Variants in PCSK2 observed in about 807,000 individuals in gnomAD.
PCSK2 encodes the protein neuroendocrine convertase 2.
Under a neutral mutation model 69.7 loss-of-function variants are expected in PCSK2, and 14 were observed. The observed-to-expected ratio is 0.20, with a 90% CI of 0.13 to 0.31. The LOEUF (loss-of-function observed/expected upper bound fraction) is 0.31. Ranked by LOEUF, PCSK2 falls within the 10% of genes least tolerant of loss-of-function variation. The pLI, the probability that PCSK2 is intolerant of heterozygous loss-of-function variation, is 1.00. For synonymous variants in PCSK2, 307 were observed against 320.7 expected, an observed-to-expected ratio of 0.96 and a Z score of 0.46; for missense variants, 544 against 842.5, an observed-to-expected ratio of 0.65 and a Z score of 4.39.
intron 5 of PCSK2, among the ~76,000 whole-genome samples, chr20:17,372,180 C>A (rs1407288699): frequency 6.6e-6 from 1 of 152,024 alleles, no homozygotes; most frequent in Non-Finnish European, 1.5e-5. Flanking sequence ...GAGATTGAGA[C>A]CATACTGGCT....
intron 2 of PCSK2, among the ~76,000 whole-genome samples, chr20:17,312,879 A>G (rs1246619092): frequency 1.3e-5 from 2 of 152,174 alleles, no homozygotes; most frequent in Non-Finnish European, 2.9e-5. Flanking sequence ...TCCTAAACCC[A>G]AGTCTTTCCC....
chr20:17,462,154 AC>A (rs2033024520), intron 10 of PCSK2, among the ~76,000 whole-genome samples: 1 of 147,514 alleles, frequency 6.8e-6, no homozygotes, highest in Non-Finnish European at 1.5e-5. Flanking sequence ...CAGCGCCCCC[AC>A]CCCCACCAGT....
intron 2 of PCSK2, among the ~76,000 whole-genome samples, chr20:17,343,662 G>A (rs188301155): frequency 6.6e-6 from 1 of 152,360 alleles, no homozygotes. Context: ...GAGACAGGGA[G>A]ATTATCCTGA....
intron 1 of PCSK2, among the ~76,000 whole-genome samples, chr20:17,248,098 C>T (rs1339753140): frequency 6.6e-6 from 1 of 152,038 alleles, no homozygotes; most frequent in Non-Finnish European, 1.5e-5. Flanking sequence ...GCGAGTTCTT[C>T]ATTCACTTCT....
intron 4 of PCSK2, among the ~76,000 whole-genome samples, chr20:17,366,219 T>C (rs1439344152): frequency 6.6e-6 from 1 of 152,244 alleles, no homozygotes; most frequent in African/African-American, 2.4e-5. Context: ...AACTCCTTCC[T>C]AGTTCCTCGA....
chr20:17,473,327 C>T (rs550988512), intron 11 of PCSK2, among the ~76,000 whole-genome samples: 2 of 152,124 alleles, frequency 1.3e-5, no homozygotes, highest in South Asian at 4.1e-4. Context: ...CTCCTGACCT[C>T]GTGTTCCGAC....
At chr20:17,303,529 T>TTATATATAATATA in intron 2 of PCSK2, among the ~76,000 whole-genome samples, 1 of 41,690 alleles carries the variant, frequency 2.4e-5, no homozygotes, top group Non-Finnish European at 4.5e-5. Context: ...ATAATATATA[T>TTATATATAATATA]TATATTATAT....
At chr20:17,292,964 A>T (rs770087133) in intron 2 of PCSK2, among the ~76,000 whole-genome samples, 1 of 152,028 alleles carries the variant, frequency 6.6e-6, no homozygotes, top group Non-Finnish European at 1.5e-5. Context: ...AGCTGGGACT[A>T]CAGGCACGCA....
Position 17,378,590 on chromosome 20 carries a change from C to CGGATGGAT in PCSK2, c.543+9359_543+9366dup, listed in dbSNP as rs57945532. 1.7e-3 allele frequency among the ~76,000 whole-genome samples: 234 copies of CGGATGGAT among 136,292 alleles called. 1 individual carries two copies. Among genetic ancestry groups the CGGATGGAT allele is most frequent in the East Asian group, 3.7e-3 (18 of 4,844 alleles). 89.4% of individuals were successfully genotyped at this position (136,292 alleles called of 152,430 possible). ...AAAGACTGAATTATGGATGGATGGA[C>CGGATGGAT]GGATGGATGGATGGATGGATGGATG... On this transcript the variant is annotated intron_variant, in intron 5 of 11. Transcript: ENST00000262545.
At chr20:17,262,826 G>A (rs1417502845) in intron 2 of PCSK2, among the ~76,000 whole-genome samples, 1 of 152,244 alleles carries the variant, frequency 6.6e-6, no homozygotes, top group Non-Finnish European at 1.5e-5. Flanking sequence ...GTCTTACATA[G>A]ATGTGGCAAG....
At position 17,483,341 on chromosome 20, in the gene PCSK2, C is replaced by T. The variant is rs1272642588; in HGVS notation, c.*1271C>T. 6.6e-6 allele frequency: 1 copy of T among 152,176 alleles called. No individual in the cohort carries two copies. The highest frequency in any genetic ancestry group is 1.5e-5 in the Non-Finnish European group (1 of 68,044). 9.4% of individuals were successfully genotyped at this position (152,176 alleles called of 1,614,324 possible). A position where few individuals can be genotyped will look rare whatever the true frequency, so the allele number is the denominator to read the frequency against. On this transcript the variant is annotated 3_prime_UTR_variant, in exon 12 of 12. Transcript: ENST00000262545. The stretch of plus-strand genomic sequence containing the variant: ...GGAAAGCACACAGTCACCTTCTCGG[C>T]AACTAAGCAGTCCCTGAGACCATTT...
chr20:17,341,363 A>C lies in PCSK2; in HGVS notation c.283-16964A>C, dbSNP rs150459164. Among the ~76,000 whole-genome samples, 113 of 152,322 alleles carry C rather than the reference A, an allele frequency of 7.4e-4. 3 individuals carry two copies. In the East Asian group the frequency reaches 0.02, roughly 28 times the overall value. ...AAAATGACAATCCACCAGGGTTCTTATGTTTCCACTCACACACTTGAAAGT... is the reference window on the plus strand; with the variant it reads ...AAAATGACAATCCACCAGGGTTCTTCTGTTTCCACTCACACACTTGAAAGT... On this transcript the variant is annotated intron_variant, in intron 2 of 11. Coordinates refer to ENST00000262545, the MANE Select transcript of PCSK2 (RefSeq NM_002594.5).
chr20:17,384,937 A>C (rs1315580824), intron 5 of PCSK2, among the ~76,000 whole-genome samples: 1 of 152,220 alleles, frequency 6.6e-6, no homozygotes, highest in East Asian at 1.9e-4. Context: ...CAAAAAAATA[A>C]GAAAAAGTAT....
intron 11 of PCSK2, among the ~76,000 whole-genome samples, chr20:17,481,349 T>G (rs1016683271): frequency 1.9e-4 from 24 of 126,540 alleles, no homozygotes; most frequent in African/African-American, 7.2e-4. Context: ...ACCACTGCAC[T>G]CCAGCCCGGG....
chr20:17,353,483 C>T (rs1478423946), intron 2 of PCSK2, among the ~76,000 whole-genome samples: 1 of 121,328 alleles, frequency 8.2e-6, no homozygotes, highest in Non-Finnish European at 1.8e-5. Flanking sequence ...AAAAAAAAGT[C>T]AAAAAATAGT....
At chr20:17,465,666 T>G (rs762587105) in intron 11 of PCSK2, 113 bp downstream of exon 11, 26 of 697,266 alleles carry the variant, frequency 3.7e-5, no homozygotes, top group Non-Finnish European at 6.0e-5. Context: ...CTGTATTTTT[T>G]GTTTGTTTGT....
At chr20:17,248,149 GA>G (rs757292759) in intron 1 of PCSK2, among the ~76,000 whole-genome samples, 27 of 150,718 alleles carry the variant, frequency 1.8e-4, no homozygotes, top group Non-Finnish European at 3.7e-4. Context: ...TTTGCCTTAA[GA>G]GAACAAAGTG....
At chr20:17,250,608 T>C in intron 1 of PCSK2, among the ~76,000 whole-genome samples, 1 of 152,222 alleles carries the variant, frequency 6.6e-6, no homozygotes, top group East Asian at 1.9e-4. Flanking sequence ...TTCTGAATGA[T>C]GATATTCAAT....
chr20:17,278,520 T>C (rs1988180109), intron 2 of PCSK2, among the ~76,000 whole-genome samples: 1 of 151,830 alleles, frequency 6.6e-6, no homozygotes, highest in Non-Finnish European at 1.5e-5. Flanking sequence ...AATTGAACAA[T>C]GAGAACACAT....
Sources: gnomAD v4.1 joint callset for allele counts (sites outside exome capture counted in the v4.1 genomes callset) on GRCh38, gnomAD v4.1.1 for gene constraint, MANE v1.5 for transcripts, NCBI Gene and HGNC (gene_info 2026-07-23, HGNC 2026-07-21) for gene names.